DNER: variants seen among roughly 807,000 people sequenced by gnomAD.
The protein encoded by DNER is delta and Notch-like epidermal growth factor-related receptor.
In DNER, 33 loss-of-function variants were observed where a neutral mutation model predicts 78.2. The observed-to-expected ratio is 0.42, with a 90% CI of 0.32 to 0.56. The LOEUF (loss-of-function observed/expected upper bound fraction) is 0.56. DNER is among the 20% of genes least tolerant of loss of function. The probability of loss-of-function intolerance (pLI) is 0.11; values close to 1 mark genes in which losing one functional copy is unlikely to be tolerated. For synonymous variants in DNER, 417 were observed against 384.8 expected, an observed-to-expected ratio of 1.08 and a Z score of -0.98; for missense variants, 918 against 975.3, an observed-to-expected ratio of 0.94 and a Z score of 0.78.
At chr2:229,659,492 C>T (rs1043899509) in intron 1 of DNER, among the ~76,000 whole-genome samples, 1 of 152,040 alleles carries the variant, frequency 6.6e-6, no homozygotes, top group African/African-American at 2.4e-5. Flanking sequence ...GGACCTGGAC[C>T]CGGGCAGACA....
At chr2:229,574,539 A>G (rs1190157783) in intron 4 of DNER, among the ~76,000 whole-genome samples, 1 of 152,228 alleles carries the variant, frequency 6.6e-6, no homozygotes, top group Admixed American at 6.5e-5. Flanking sequence ...GTGTATGTCT[A>G]TATACATGCA....
intron 7 of DNER, among the ~76,000 whole-genome samples, chr2:229,466,033 C>T (rs11675160): frequency 0.44 from 67,312 of 151,874 alleles, 15,032 homozygotes; most frequent in Middle Eastern, 0.45. Flanking sequence ...TCATCTAAAG[C>T]AGTGTAACAG....
rs189238936 is a variant in DNER at position 229,696,935 on chromosome 2, G to T, written c.276+17213C>A. Among the ~76,000 whole-genome samples, 857 of 152,246 alleles carry T rather than the reference G, an allele frequency of 5.6e-3. 6 individuals are homozygous for T. Among genetic ancestry groups the T allele is most frequent in the Middle Eastern group, 0.01 (3 of 294 alleles). On this transcript the variant is annotated intron_variant, in intron 1 of 12. Coordinates refer to ENST00000341772, the MANE Select transcript of DNER (RefSeq NM_139072.4). ...GATAACACAGATGGAAAGCCATCTG[G>T]TAGTTCCTCAAAAATTTAAATATGG...
At chr2:229,699,570 G>C (rs1049415182) in intron 1 of DNER, among the ~76,000 whole-genome samples, 2 of 152,016 alleles carry the variant, frequency 1.3e-5, no homozygotes, top group African/African-American at 4.8e-5. Context: ...TTGCCTTGTT[G>C]CCCAGGCTGG....
At chr2:229,691,467 C>A (rs1406235864) in intron 1 of DNER, among the ~76,000 whole-genome samples, 2 of 151,964 alleles carry the variant, frequency 1.3e-5, no homozygotes, top group African/African-American at 4.8e-5. Context: ...TTTATCAGAG[C>A]TTCCCGTTCA....
chr2:229,409,765 T>C (rs1415293108), intron 9 of DNER, among the ~76,000 whole-genome samples: 1 of 152,140 alleles, frequency 6.6e-6, no homozygotes, highest in Non-Finnish European at 1.5e-5. Flanking sequence ...AAAGCTAATC[T>C]TCACAGAAAC....
At chr2:229,709,150 C>A (rs208780) in intron 1 of DNER, among the ~76,000 whole-genome samples, 73,581 of 151,980 alleles carry the variant, frequency 0.48, 18,116 homozygotes, top group African/African-American at 0.57. Flanking sequence ...ATGGGGAAAA[C>A]TACAATCCTT....
rs147867703 is a variant in DNER, at chr2:229,505,688, T to A, written c.1147+7095A>T. On this transcript the variant is annotated intron_variant, in intron 6 of 12. Coordinates refer to ENST00000341772, the MANE Select transcript of DNER (RefSeq NM_139072.4). ...AAGAAAGACCTTTCACATGGAGGGA[T>A]TTTTCTCACACATGGAAAACTAACT... is the stretch of plus-strand genomic sequence containing the variant. 2.4e-3 allele frequency among the ~76,000 whole-genome samples: 363 copies of A among 152,270 alleles called. 1 individual carries two copies. Among genetic ancestry groups the A allele is most frequent in the African/African-American group, 8.3e-3 (346 of 41,540 alleles).
chr2:229,376,927 A>T (rs1574813454), intron 11 of DNER, among the ~76,000 whole-genome samples: 1 of 152,218 alleles, frequency 6.6e-6, no homozygotes. Flanking sequence ...ATATAATATA[A>T]TCATTTGATA....
intron 7 of DNER, among the ~76,000 whole-genome samples, chr2:229,471,376 A>C (rs2154211148): frequency 6.6e-6 from 1 of 152,190 alleles, no homozygotes; most frequent in African/African-American, 2.4e-5. Context: ...ATAGTTTTGT[A>C]AATGCTTGGA....
At chr2:229,561,068 C>T (rs988846218) in intron 4 of DNER, among the ~76,000 whole-genome samples, 1 of 152,130 alleles carries the variant, frequency 6.6e-6, no homozygotes, top group African/African-American at 2.4e-5. Context: ...TGCTTGCTTG[C>T]TTGTAAGGCA....
At chr2:229,599,576 G>C (rs1471584620) in intron 1 of DNER, among the ~76,000 whole-genome samples, 1 of 152,192 alleles carries the variant, frequency 6.6e-6, no homozygotes, top group African/African-American at 2.4e-5. Flanking sequence ...CCTGGGGAAA[G>C]ATCATCTCTG....
At chr2:229,472,992 A>G (rs989046620) in intron 7 of DNER, among the ~76,000 whole-genome samples, 13 of 152,254 alleles carry the variant, frequency 8.5e-5, no homozygotes, top group Non-Finnish European at 1.8e-4. Flanking sequence ...GTGAAGGAGC[A>G]GGAGTCACAG....
intron 1 of DNER, among the ~76,000 whole-genome samples, chr2:229,621,386 G>A (rs1698248650): frequency 6.6e-6 from 1 of 152,118 alleles, no homozygotes; most frequent in Non-Finnish European, 1.5e-5. Context: ...TGTCATATGA[G>A]GCCCTGGAGA....
At chr2:229,643,176 C>T (rs1390853215) in intron 1 of DNER, among the ~76,000 whole-genome samples, 1 of 152,086 alleles carries the variant, frequency 6.6e-6, no homozygotes, top group East Asian at 1.9e-4. Flanking sequence ...AAGATCATGC[C>T]ACTGCACTCC....
intron 1 of DNER, among the ~76,000 whole-genome samples, chr2:229,697,560 T>C (rs899416917): frequency 6.6e-5 from 10 of 152,192 alleles, no homozygotes; most frequent in African/African-American, 2.4e-4. Flanking sequence ...ATACAGAGAA[T>C]TGGAGATATG....
chr2:229,553,262 G>T (rs1696785644), intron 4 of DNER, among the ~76,000 whole-genome samples: 1 of 152,184 alleles, frequency 6.6e-6, no homozygotes, highest in African/African-American at 2.4e-5. Context: ...ACTGCTTCCA[G>T]TAGCTGTGGT....
At chr2:229,532,678 A>C (rs979479825) in intron 5 of DNER, among the ~76,000 whole-genome samples, 14 of 152,258 alleles carry the variant, frequency 9.2e-5, no homozygotes, top group African/African-American at 3.1e-4. Context: ...CTGGAAAGCA[A>C]CTGCTCAATT....
intron 6 of DNER, among the ~76,000 whole-genome samples, chr2:229,488,791 C>T (rs1403354048): frequency 3.9e-5 from 6 of 152,232 alleles, no homozygotes; most frequent in Non-Finnish European, 8.8e-5. Flanking sequence ...CCTGGCTCCC[C>T]TGAGCAGGAG....
Sources: allele counts gnomAD v4.1 joint callset (sites outside exome capture counted in the v4.1 genomes callset), GRCh38; gene constraint gnomAD v4.1.1; transcripts MANE v1.5; gene names NCBI Gene and HGNC (gene_info 2026-07-23, HGNC 2026-07-21).